The following LEKR1 variants were observed in gnomAD, a reference collection of about 807,000 sequenced individuals.
The protein encoded by LEKR1 is protein LEKR1.
LEKR1 carries 59 observed loss-of-function variants against 72.4 expected under a neutral mutation model. The ratio of observed to expected loss-of-function variants is 0.82; its 90% CI spans 0.66 to 1.01. The LOEUF (loss-of-function observed/expected upper bound fraction) is 1.01, where lower values mean the gene tolerates loss of function less well. LEKR1 is among the 50% of genes least tolerant of loss of function. LEKR1 has a pLI of 0.00. For missense variants in LEKR1, 728 were observed against 759.2 expected (o/e 0.96, Z 0.48); for synonymous variants, 257 against 263.2 (o/e 0.98, Z 0.23).
intron 6 of LEKR1, among the ~76,000 whole-genome samples, chr3:156,967,858 T>C (rs1465825876): frequency 6.6e-6 from 1 of 152,114 alleles, no homozygotes; most frequent in Non-Finnish European, 1.5e-5. Context: ...GGAAAAAATG[T>C]TAAGGGCAGC....
At position 156,979,251 on chromosome 3, in the gene LEKR1, T is replaced by C; in HGVS notation, c.803T>C (p.Met268Thr). The C allele has an allele frequency of 1.6e-6, 2 of 1,285,796 alleles. No individual in the cohort carries two copies. The highest frequency in any genetic ancestry group is 1.2e-5 in the South Asian group (1 of 80,934). The allele number at this position is 1,285,796 out of a possible 1,614,324, so 79.6% of individuals were successfully genotyped here. A position where few individuals can be genotyped will look rare whatever the true frequency, so the allele number is the denominator to read the frequency against. Reference sequence around the variant, plus strand: ...AAACTTCAGAAGGCGGTGACAGAGATGGACAACTATAAAGAAATGCTTATG... The same window carrying C: ...AAACTTCAGAAGGCGGTGACAGAGACGGACAACTATAAAGAAATGCTTATG... ...GLKLQKAVTE[M>T]DNYKEMLMNK... The change falls in exon 7 of 13, where the codon ATG becomes ACG. Residue 268 changes from methionine (M) to threonine (T), a missense_variant. Coordinates refer to ENST00000356539, the MANE Select transcript of LEKR1 (RefSeq NM_001004316.3).
intron 12 of LEKR1, among the ~76,000 whole-genome samples, chr3:157,028,685 C>G (rs1257832562): frequency 6.6e-6 from 1 of 152,108 alleles, no homozygotes; most frequent in Non-Finnish European, 1.5e-5. Context: ...CTATTTTAAG[C>G]CTCTAAGAGT....
At chr3:156,940,469 T>C (rs1228800873) in intron 5 of LEKR1, among the ~76,000 whole-genome samples, 2 of 152,168 alleles carry the variant, frequency 1.3e-5, no homozygotes, top group South Asian at 2.1e-4. Context: ...ATGACCAGTA[T>C]AGGTTGACCT....
At chr3:156,898,046 A>G (rs1247930180) in intron 3 of LEKR1, among the ~76,000 whole-genome samples, 3 of 152,124 alleles carry the variant, frequency 2.0e-5, no homozygotes, top group Non-Finnish European at 4.4e-5. Context: ...AATGTTTACT[A>G]TTCAGATCTT....
chr3:156,968,542 TA>T (rs1341513802), intron 6 of LEKR1, among the ~76,000 whole-genome samples: 4 of 151,976 alleles, frequency 2.6e-5, no homozygotes, highest in African/African-American at 9.7e-5. Context: ...TACATAATGG[TA>T]AAGGGATCAA....
At chr3:156,937,811 C>T (rs1576860196) in intron 5 of LEKR1, among the ~76,000 whole-genome samples, 4 of 152,248 alleles carry the variant, frequency 2.6e-5, no homozygotes, top group Admixed American at 1.3e-4. Flanking sequence ...ATGTCCATAT[C>T]ATGTAATACT....
chr3:156,862,336 A>T (rs1295028236), intron 3 of LEKR1, among the ~76,000 whole-genome samples: 1 of 152,080 alleles, frequency 6.6e-6, no homozygotes, highest in African/African-American at 2.4e-5. Flanking sequence ...TTATTATTAT[A>T]ACAAATAAAA....
At chr3:156,892,033 C>G (rs143122169) in intron 3 of LEKR1, among the ~76,000 whole-genome samples, 150 of 151,924 alleles carry the variant, frequency 9.9e-4, no homozygotes, top group African/African-American at 3.5e-3. Flanking sequence ...GGTAGCCCCC[C>G]GCCCCGCTAC....
At chr3:156,841,094 T>C (rs1256389834) in intron 2 of LEKR1, among the ~76,000 whole-genome samples, 1 of 152,154 alleles carries the variant, frequency 6.6e-6, no homozygotes, top group Non-Finnish European at 1.5e-5. Flanking sequence ...CCATGTAAGA[T>C]AGTATCTGCT....
At chr3:156,978,026 CT>C (rs2107997848) in intron 6 of LEKR1, among the ~76,000 whole-genome samples, 1 of 152,170 alleles carries the variant, frequency 6.6e-6, no homozygotes, top group South Asian at 2.1e-4. Flanking sequence ...CATGGGTGAC[CT>C]AAAAAATGAG....
chr3:156,989,151 C>A (rs1056233716), intron 7 of LEKR1, among the ~76,000 whole-genome samples: 5 of 152,080 alleles, frequency 3.3e-5, no homozygotes, highest in Admixed American at 3.3e-4. Context: ...GTTTTGCGAA[C>A]TTTTTGCTTA....
intron 12 of LEKR1, among the ~76,000 whole-genome samples, chr3:157,038,473 C>A (rs1338257657): frequency 6.6e-6 from 1 of 152,160 alleles, no homozygotes; most frequent in Non-Finnish European, 1.5e-5. Flanking sequence ...TTGGACAATT[C>A]CACATGTAGC....
intron 3 of LEKR1, among the ~76,000 whole-genome samples, chr3:156,890,383 A>G (rs915692428): frequency 1.3e-5 from 2 of 152,190 alleles, no homozygotes; most frequent in Admixed American, 1.3e-4. Flanking sequence ...AGAGCAATCT[A>G]AATCAGTAAA....
At chr3:156,996,781 T>C (rs1050384182) in intron 9 of LEKR1, among the ~76,000 whole-genome samples, 2 of 152,086 alleles carry the variant, frequency 1.3e-5, no homozygotes, top group Non-Finnish European at 2.9e-5. Flanking sequence ...AAAGATCTTC[T>C]CATTCGGGCA....
At chr3:156,878,829 G>C (rs1718928072) in intron 3 of LEKR1, among the ~76,000 whole-genome samples, 1 of 152,046 alleles carries the variant, frequency 6.6e-6, no homozygotes, top group Non-Finnish European at 1.5e-5. Context: ...CCCCATATTT[G>C]TTCTCATGGT....
intron 3 of LEKR1, among the ~76,000 whole-genome samples, chr3:156,896,261 G>T (rs1321577393): frequency 1.3e-5 from 2 of 152,132 alleles, no homozygotes; most frequent in East Asian, 3.9e-4. Context: ...ATAATATCTA[G>T]GTGATGGGTT....
chr3:156,905,457 G>A (rs1356842370), intron 3 of LEKR1, among the ~76,000 whole-genome samples: 2 of 152,176 alleles, frequency 1.3e-5, no homozygotes, highest in African/African-American at 2.4e-5. Context: ...AGGAAATTAA[G>A]TAATTGTATT....
chr3:156,956,406 G>A (rs1187232797), intron 6 of LEKR1, among the ~76,000 whole-genome samples: 1 of 151,992 alleles, frequency 6.6e-6, no homozygotes, highest in East Asian at 1.9e-4. Context: ...TTTAAACTAT[G>A]TTTTTATAGG....
At chr3:156,878,017 G>T (rs1267113553) in intron 3 of LEKR1, among the ~76,000 whole-genome samples, 1 of 152,160 alleles carries the variant, frequency 6.6e-6, no homozygotes, top group East Asian at 1.9e-4. Context: ...TCCTGACCTT[G>T]TGATCTGCCT....
Sources: allele counts gnomAD v4.1 joint callset (sites outside exome capture counted in the v4.1 genomes callset), GRCh38; gene constraint gnomAD v4.1.1; transcripts MANE v1.5; gene names NCBI Gene and HGNC (gene_info 2026-07-23, HGNC 2026-07-21).